Variants in IPP observed in about 807,000 individuals in gnomAD.
IPP encodes intracisternal A particle-promoted polypeptide.
A neutral mutation model predicts 64.1 loss-of-function variants in IPP; 41 were observed. The observed-to-expected ratio is 0.64, with a 90% CI of 0.50 to 0.83. The LOEUF (loss-of-function observed/expected upper bound fraction) is 0.83, where lower values mean the gene tolerates loss of function less well. Ranked by LOEUF, IPP falls within the 40% of genes least tolerant of loss-of-function variation. The probability of loss-of-function intolerance (pLI) is 0.00; values close to 1 mark genes in which losing one functional copy is unlikely to be tolerated. For missense variants in IPP, 649 were observed against 703.0 expected (o/e 0.92, Z 0.87); for synonymous variants, 214 against 235.2 (o/e 0.91, Z 0.83).
intron 5 of IPP, among the ~76,000 whole-genome samples, chr1:45,722,504 C>T (rs1313506852): frequency 6.6e-6 from 1 of 151,956 alleles, no homozygotes; most frequent in African/African-American, 2.4e-5. Flanking sequence ...GACATCGCAC[C>T]ACTGCATTCC....
intron 3 of IPP, among the ~76,000 whole-genome samples, chr1:45,732,000 G>A (rs1645912830): frequency 6.6e-6 from 1 of 152,012 alleles, no homozygotes; most frequent in African/African-American, 2.4e-5. Flanking sequence ...AATTCAGTCA[G>A]AAGAAAACAT....
chr1:45,708,494 C>A (rs1645544570), intron 8 of IPP, among the ~76,000 whole-genome samples: 1 of 149,728 alleles, frequency 6.7e-6, no homozygotes, highest in Admixed American at 6.6e-5. Context: ...GCCTGGCCAA[C>A]ATGGTGAAAC....
chr1:45,735,621 AT>A (rs1160000550), intron 3 of IPP, among the ~76,000 whole-genome samples: 12,368 of 57,820 alleles, frequency 0.21, 447 homozygotes, highest in Middle Eastern at 0.27. Context: ...AGACCTGGCT[AT>A]TTTTTTTTTT....
At chr1:45,702,913 A>C (rs145256600) in intron 8 of IPP, among the ~76,000 whole-genome samples, 127 of 152,322 alleles carry the variant, frequency 8.3e-4, no homozygotes, top group African/African-American at 2.9e-3. Flanking sequence ...ATGTCACCAA[A>C]GTTTAAAACT....
intron 8 of IPP, among the ~76,000 whole-genome samples, chr1:45,704,502 C>T (rs1645492456): frequency 6.6e-6 from 1 of 152,154 alleles, no homozygotes; most frequent in Non-Finnish European, 1.5e-5. Context: ...TCCCCAAGTG[C>T]TGGGATTACC....
Position 45,719,293 on chromosome 1 carries a change from C to T in IPP, c.1096G>A (p.Val366Ile). Residue 366 changes from valine to isoleucine, a missense_variant, in exon 6 of 9, where the codon GTT (valine) becomes ATT (isoleucine). Coordinates refer to ENST00000396478, the MANE Select transcript of IPP (RefSeq NM_005897.3). ...IFDCTECYDP[V>I]TKQWTTVASM... ...GCTACAGTTGTCCACTGTTTAGTAACTGGATCATAGCATTCAGTACAATCA... is the reference window on the plus strand; with the variant it reads ...GCTACAGTTGTCCACTGTTTAGTAATTGGATCATAGCATTCAGTACAATCA... 6.2e-7 allele frequency: 1 copy of T among 1,611,956 alleles called. No homozygotes were observed. Among genetic ancestry groups the T allele is most frequent in the Non-Finnish European group, 8.5e-7 (1 of 1,178,440 alleles).
chr1:45,727,703 C>G lies in IPP; in HGVS notation c.976G>C (p.Val326Leu). 1 of 1,599,916 alleles carries G rather than the reference C, an allele frequency of 6.3e-7. No homozygotes were observed. Among genetic ancestry groups the G allele is most frequent in the Non-Finnish European group, 8.5e-7 (1 of 1,169,616 alleles). The change falls in exon 5 of 9, where the codon GTG becomes CTG. Residue 326 changes from valine to leucine, a missense_variant. Physicochemically the swap from Val to Leu is conservative, Grantham distance 32. Coordinates refer to ENST00000396478, the MANE Select transcript of IPP (RefSeq NM_005897.3). ...CTTCGAGCCTGATGAAGTGAAGACA[C>G]AGTGGTCCAGTACTGGCTAAAGGTG... ...FDTFSQYWTT[V>L]SSLHQARSGL... is the part of the protein sequence containing the mutation.
chr1:45,694,888 C>G (rs1569929331), downstream of IPP: 1 of 158,706 alleles, frequency 6.3e-6, no homozygotes, highest in Non-Finnish European at 1.4e-5. Flanking sequence ...CTATCTAGTT[C>G]TACATCTTTT....
In IPP at chr1:45,716,904, C is replaced by T; in HGVS notation, c.1300G>A (p.Glu434Lys). Residue 434 changes from glutamate (E) to lysine (K), a missense_variant, in exon 7 of 9, where the codon GAA becomes AAA. Glu to Lys is a moderately conservative substitution (Grantham distance 56, BLOSUM62 1). Coordinates refer to ENST00000396478, the MANE Select transcript of IPP (RefSeq NM_005897.3). ...TTTATAAAGTGATTACCTTGCATTT[C>T]ACAGCACCCAAAGTAGTAGCGTGAC... ...AVSRYYFGCC[E>K]MQGLIYVIGG... The T allele has an allele frequency of 6.2e-7, 1 of 1,609,098 alleles. No homozygotes were observed. The highest frequency in any genetic ancestry group is 1.1e-5 in the South Asian group (1 of 90,126).
chr1:45,750,346 G>A (rs1646204799), intron 1 of IPP, among the ~76,000 whole-genome samples: 1 of 152,192 alleles, frequency 6.6e-6, no homozygotes, highest in African/African-American at 2.4e-5. Context: ...ACAACAGAGG[G>A]ACTGGGGACA....
intron 8 of IPP, among the ~76,000 whole-genome samples, chr1:45,704,670 T>C (rs879518443): frequency 1.2e-4 from 19 of 152,338 alleles, no homozygotes; most frequent in South Asian, 2.1e-4. Context: ...CAAATAGATA[T>C]AGAAATATTT....
rs1569938301 is a variant in IPP, at chr1:45,700,101, A to C, written c.1620T>G (p.Gly540=). ...CCAAAAAATCATGGCTGGAAGATCG[A>C]CCTCCAGAAACATACAGAAGACCAT... The part of the protein sequence containing the change: ...AVNGLLYVSG[G]RSSSHDFLAP... The change falls in exon 9 of 9, where the codon GGT becomes GGG. Residue 540 remains glycine, a synonymous_variant. Transcript: ENST00000396478. The C allele has an allele frequency of 1.2e-6, 2 of 1,614,046 alleles. No individual in the cohort carries two copies. Among genetic ancestry groups the C allele is most frequent in the South Asian group, 1.1e-5 (1 of 91,072 alleles).
intron 5 of IPP, among the ~76,000 whole-genome samples, chr1:45,719,847 T>C (rs577612403): frequency 6.6e-6 from 1 of 152,120 alleles, no homozygotes; most frequent in South Asian, 2.1e-4. Flanking sequence ...TGCCTCAGCC[T>C]CCTGAGTAGC....
chr1:45,722,109 C>T (rs1645740972), intron 5 of IPP, among the ~76,000 whole-genome samples: 1 of 151,788 alleles, frequency 6.6e-6, no homozygotes, highest in African/African-American at 2.4e-5. Context: ...AAAAAACTGG[C>T]CAGGCATGGT....
At chr1:45,711,013 C>T (rs1443964104) in intron 8 of IPP, among the ~76,000 whole-genome samples, 5 of 138,644 alleles carry the variant, frequency 3.6e-5, no homozygotes, top group Admixed American at 1.5e-4. Context: ...AGCGAGACTC[C>T]GTCTCAAAAC....
At chr1:45,739,866 C>G (rs1310514133) in intron 3 of IPP, among the ~76,000 whole-genome samples, 1 of 144,390 alleles carries the variant, frequency 6.9e-6, no homozygotes, top group Non-Finnish European at 1.5e-5. Flanking sequence ...GGGTGTTTCT[C>G]GTAGAGGGGG....
chr1:45,717,290 CA>C (rs1201972298), intron 6 of IPP, among the ~76,000 whole-genome samples: 1 of 128,928 alleles, frequency 7.8e-6, no homozygotes. Context: ...AAGACTAAAA[CA>C]AAACAAAACA....
At chr1:45,709,058 A>G (rs1035076927) in intron 8 of IPP, among the ~76,000 whole-genome samples, 3 of 141,386 alleles carry the variant, frequency 2.1e-5, no homozygotes, top group South Asian at 2.3e-4. Flanking sequence ...AAAAAAGGAG[A>G]AAAAAAAGAC....
At chr1:45,718,977 T>C (rs1050579243) in intron 6 of IPP, among the ~76,000 whole-genome samples, 1 of 151,986 alleles carries the variant, frequency 6.6e-6, no homozygotes, top group Non-Finnish European at 1.5e-5. Flanking sequence ...AATAATTTAA[T>C]TGTACATTTA....
Sources: gnomAD v4.1 joint callset for allele counts (sites outside exome capture counted in the v4.1 genomes callset) on GRCh38, gnomAD v4.1.1 for gene constraint, MANE v1.5 for transcripts, NCBI Gene and HGNC (gene_info 2026-07-23, HGNC 2026-07-21) for gene names.